The following DNAJB6 variants were observed in gnomAD, a reference collection of about 807,000 sequenced individuals.
DNAJB6 encodes the protein DnaJ heat shock protein family (Hsp40) member B6.
Under a neutral mutation model 42.7 loss-of-function variants are expected in DNAJB6, and 16 were observed. The observed-to-expected ratio is 0.37, with a 90% CI of 0.25 to 0.57. The LOEUF is 0.57. Ranked by LOEUF, DNAJB6 falls within the 20% of genes least tolerant of loss-of-function variation. The pLI is 0.74. For missense variants in DNAJB6, 347 were observed against 416.8 expected (o/e 0.83, Z 1.46); for synonymous variants, 170 against 163.5 (o/e 1.04, Z -0.30).
chr7:157,364,624 T>A (rs1338854697), intron 3 of DNAJB6, among the ~76,000 whole-genome samples: 1 of 152,190 alleles, frequency 6.6e-6, no homozygotes, highest in Non-Finnish European at 1.5e-5. Flanking sequence ...TGTTACCATC[T>A]TGGTCTTCGG....
intron 8 of DNAJB6, among the ~76,000 whole-genome samples, chr7:157,401,228 T>C (rs1465171407): frequency 6.6e-6 from 1 of 151,482 alleles, no homozygotes; most frequent in African/African-American, 2.4e-5. Context: ...TTCTTTTTTC[T>C]TTTTTTTTGA....
chr7:157,391,784 T>C (rs1801356280), intron 8 of DNAJB6, among the ~76,000 whole-genome samples: 1 of 152,058 alleles, frequency 6.6e-6, no homozygotes, highest in Non-Finnish European at 1.5e-5. Context: ...GTTGAGTAAT[T>C]GGCTTGAGAA....
chr7:157,358,466 C>T (rs919784051), intron 1 of DNAJB6, 81 bp from the exon 2 acceptor site: 122 of 869,248 alleles, frequency 1.4e-4, no homozygotes, highest in South Asian at 2.4e-4. Flanking sequence ...CCACCCCTTC[C>T]TCCCTCTCCA....
At chr7:157,405,702 C>A (rs552288022) in intron 8 of DNAJB6, among the ~76,000 whole-genome samples, 1 of 152,274 alleles carries the variant, frequency 6.6e-6, no homozygotes, top group East Asian at 1.9e-4. Flanking sequence ...CCAATTAAAC[C>A]CGAACCTCAG....
chr7:157,382,593 T>A (rs1417763209), intron 6 of DNAJB6: 7 of 358,382 alleles, frequency 2.0e-5, no homozygotes, highest in Non-Finnish European at 2.9e-5. Flanking sequence ...TCTTCTCCTC[T>A]TAATATAATA....
intron 1 of DNAJB6, among the ~76,000 whole-genome samples, chr7:157,345,473 C>T (rs1244967367): frequency 1.3e-5 from 2 of 152,018 alleles, no homozygotes; most frequent in East Asian, 3.9e-4. Context: ...TGCCACCCCA[C>T]TCAGCTAATT....
At chr7:157,338,976 GT>G (rs1487010611) in intron 1 of DNAJB6, among the ~76,000 whole-genome samples, 6 of 152,192 alleles carry the variant, frequency 3.9e-5, no homozygotes, top group South Asian at 2.1e-4. Flanking sequence ...TCAAAACAGT[GT>G]TTTAAAATTT....
At chr7:157,355,158 T>A (rs772965497) in intron 1 of DNAJB6, among the ~76,000 whole-genome samples, 2 of 152,190 alleles carry the variant, frequency 1.3e-5, no homozygotes, top group Non-Finnish European at 2.9e-5. Context: ...CTTTTATTTA[T>A]TTATTTATTT....
chr7:157,346,342 A>C (rs1014486309), intron 1 of DNAJB6, among the ~76,000 whole-genome samples: 6 of 151,288 alleles, frequency 4.0e-5, no homozygotes, highest in Admixed American at 4.0e-4. Context: ...AAAAAAGTTA[A>C]AGATACAACT....
chr7:157,399,816 G>A (rs896927300), intron 8 of DNAJB6, among the ~76,000 whole-genome samples: 12 of 152,122 alleles, frequency 7.9e-5, no homozygotes, highest in Admixed American at 6.5e-4. Flanking sequence ...TTACAGGTGC[G>A]CGCCACCACC....
intron 8 of DNAJB6, among the ~76,000 whole-genome samples, chr7:157,407,563 TC>T (rs1272136291): frequency 6.6e-6 from 1 of 152,042 alleles, no homozygotes; most frequent in African/African-American, 2.4e-5. Flanking sequence ...TGTGCGTGGG[TC>T]CCTTCGTCTC....
At chr7:157,411,578 G>C (rs2116667255) in intron 9 of DNAJB6, 1 of 152,530 alleles carries the variant, frequency 6.6e-6, no homozygotes, top group African/African-American at 2.4e-5. Context: ...ATAGAGCAGG[G>C]TTGTAGCTGT....
At chr7:157,358,514 G>T in intron 1 of DNAJB6, 33 bp from the exon 2 acceptor site, 1 of 1,439,410 alleles carries the variant, frequency 6.9e-7, no homozygotes. Context: ...ATCCCCAGCA[G>T]CCTCATCACT....
chr7:157,398,696 G>A (rs992343901), intron 8 of DNAJB6, among the ~76,000 whole-genome samples: 1 of 152,086 alleles, frequency 6.6e-6, no homozygotes, highest in Non-Finnish European at 1.5e-5. Flanking sequence ...GATGTTTTCT[G>A]GTATATTTAG....
intron 8 of DNAJB6, among the ~76,000 whole-genome samples, chr7:157,393,059 T>C (rs544820472): frequency 2.4e-4 from 37 of 152,252 alleles, no homozygotes; most frequent in Non-Finnish European, 5.3e-4. Flanking sequence ...CTGCAACCCC[T>C]GCCTCCTGGG....
chr7:157,363,149 A>C lies in DNAJB6; in HGVS notation c.66-12A>C. On this transcript the variant is annotated splice_polypyrimidine_tract_variant and intron_variant, in intron 2 of 9. Transcript: ENST00000262177. ...ATTTAGAATGTGATCTATATCCTTTATTCTTTCCAAGATATCGGAAACTGG... is the reference window on the plus strand; with the variant it reads ...ATTTAGAATGTGATCTATATCCTTTCTTCTTTCCAAGATATCGGAAACTGG... The C allele has an allele frequency of 6.4e-7, 1 of 1,562,562 alleles. No homozygotes were observed. Among genetic ancestry groups the C allele is most frequent in the South Asian group, 1.1e-5 (1 of 86,958 alleles).
rs1227051152 is a variant in DNAJB6, at chr7:157,355,564, G to C, written c.-26-2983G>C. ...CAAGGAGAGCTGGGAAACGTCTGTG[G>C]GTGGTGCTGTGGGTTTTTTACTGAC... On this transcript the variant is annotated intron_variant, in intron 1 of 9. Coordinates refer to ENST00000262177, the MANE Select transcript of DNAJB6 (RefSeq NM_058246.4). Among the ~76,000 whole-genome samples the C allele has an allele frequency of 2.0e-5, 3 of 152,306 alleles. No individual in the cohort carries two copies. In the East Asian group the frequency reaches 5.8e-4, roughly 29 times the overall value.
At chr7:157,415,882 C>G in intron 9 of DNAJB6, 134 bp from the exon 10 acceptor site, 3 of 1,512,234 alleles carry the variant, frequency 2.0e-6, no homozygotes, top group Non-Finnish European at 2.7e-6. Context: ...TGAGGTTTAG[C>G]TGTGGCCAAG....
At chr7:157,356,881 A>C (rs139008474) in intron 1 of DNAJB6, among the ~76,000 whole-genome samples, 1 of 152,270 alleles carries the variant, frequency 6.6e-6, no homozygotes, top group African/African-American at 2.4e-5. Flanking sequence ...GAAGATGTAC[A>C]TTTCTTTTCT....
Sources: gnomAD v4.1 joint callset for allele counts (sites outside exome capture counted in the v4.1 genomes callset) on GRCh38, gnomAD v4.1.1 for gene constraint, MANE v1.5 for transcripts, NCBI Gene and HGNC (gene_info 2026-07-23, HGNC 2026-07-21) for gene names.